The following WDR7 variants were observed in gnomAD, a reference collection of about 807,000 sequenced individuals.
WDR7 encodes WD repeat domain 7.
In WDR7, 46 loss-of-function variants were observed where a neutral mutation model predicts 169.4. That is an observed-to-expected ratio of 0.27 (90% CI 0.21 to 0.35). The LOEUF is 0.35. WDR7 is among the 10% of genes least tolerant of loss of function. The pLI, the probability that WDR7 is intolerant of heterozygous loss-of-function variation, is 1.00. For missense variants in WDR7, 1,534 were observed against 1,859.3 expected (o/e 0.83, Z 3.22); for synonymous variants, 612 against 666.8 (o/e 0.92, Z 1.27).
At chr18:56,722,078 A>C (rs2026334865) in intron 13 of WDR7, among the ~76,000 whole-genome samples, 1 of 152,158 alleles carries the variant, frequency 6.6e-6, no homozygotes, top group Non-Finnish European at 1.5e-5. Context: ...TTTTGAACTT[A>C]AGTACCTAAT....
At chr18:56,996,217 C>T (rs1358058008) in intron 26 of WDR7, among the ~76,000 whole-genome samples, 1 of 152,160 alleles carries the variant, frequency 6.6e-6, no homozygotes, top group African/African-American at 2.4e-5. Flanking sequence ...GTTCATCAAG[C>T]ATCTACTGTC....
Position 56,862,792 on chromosome 18 carries a change from A to G in WDR7, c.3305-17152A>G, listed in dbSNP as rs150920324. On this transcript the variant is annotated intron_variant, in intron 20 of 27. Coordinates refer to ENST00000254442, the MANE Select transcript of WDR7 (RefSeq NM_015285.3). The stretch of plus-strand genomic sequence containing the variant: ...ATAAGACTTGGAATTGGATATTGCT[A>G]TATCTCTTATTGATATTCTGGTAAC... Among the ~76,000 whole-genome samples, 40 of 151,936 alleles carry G rather than the reference A, an allele frequency of 2.6e-4. No individual in the cohort carries two copies. The East Asian group carries it at 7.3e-3, about 28-fold the overall frequency.
chr18:56,790,003 T>A (rs1486519731), intron 19 of WDR7, among the ~76,000 whole-genome samples: 1 of 152,240 alleles, frequency 6.6e-6, no homozygotes, highest in African/African-American at 2.4e-5. Context: ...AATGACCTAA[T>A]ATTAGTTTCT....
At chr18:56,720,436 G>T (rs2026296314) in intron 13 of WDR7, among the ~76,000 whole-genome samples, 1 of 152,100 alleles carries the variant, frequency 6.6e-6, no homozygotes, top group African/African-American at 2.4e-5. Context: ...GAGACAGAGA[G>T]AGACTCTGTC....
intron 27 of WDR7, among the ~76,000 whole-genome samples, chr18:57,025,305 G>T (rs955257140): frequency 1.3e-5 from 2 of 152,174 alleles, no homozygotes; most frequent in African/African-American, 2.4e-5. Context: ...CACTACGCCT[G>T]TTGATGCCAG....
At chr18:56,898,987 C>T (rs1385507271) in intron 21 of WDR7, among the ~76,000 whole-genome samples, 1 of 152,110 alleles carries the variant, frequency 6.6e-6, no homozygotes, top group Middle Eastern at 3.4e-3. Context: ...TCTTAAAAAG[C>T]GGTTCTTCCT....
In WDR7 at chr18:56,651,547, A is replaced by T. The variant is rs1247614287; in HGVS notation, c.-49A>T. 2 of 152,650 alleles carry T rather than the reference A, an allele frequency of 1.3e-5. No homozygotes were observed. Among genetic ancestry groups the T allele is most frequent in the African/African-American group, 4.8e-5 (2 of 41,462 alleles). 9.5% of individuals were successfully genotyped at this position (152,650 alleles called of 1,614,324 possible). The stretch of plus-strand genomic sequence containing the variant: ...GCGCCCACCGGCGGTCTGATAGGCT[A>T]CATCGCGGCATGAGATGAAGCTGTG... On this transcript the variant is annotated 5_prime_UTR_variant, in exon 1 of 28. Transcript: ENST00000254442.
chr18:57,022,422 A>T (rs1193069494), intron 27 of WDR7, among the ~76,000 whole-genome samples: 1 of 152,222 alleles, frequency 6.6e-6, no homozygotes, highest in East Asian at 1.9e-4. Flanking sequence ...CACAGAGATC[A>T]GTAAGTCATG....
At chr18:56,881,061 A>G (rs1355947319) in intron 21 of WDR7, among the ~76,000 whole-genome samples, 1 of 152,226 alleles carries the variant, frequency 6.6e-6, no homozygotes. Context: ...GATGCATGTT[A>G]CTTTGTTATT....
At chr18:56,800,036 T>C (rs1329678437) in intron 19 of WDR7, among the ~76,000 whole-genome samples, 1 of 152,158 alleles carries the variant, frequency 6.6e-6, no homozygotes, top group Non-Finnish European at 1.5e-5. Flanking sequence ...CTTTGCTATG[T>C]TTTTATTTGT....
At chr18:56,911,994 G>A (rs2046559352) in intron 21 of WDR7, among the ~76,000 whole-genome samples, 1 of 152,214 alleles carries the variant, frequency 6.6e-6, no homozygotes, top group Non-Finnish European at 1.5e-5. Context: ...GCCTTTGACT[G>A]AGTGGTAAGT....
chr18:56,887,912 A>T (rs1465260744), intron 21 of WDR7, among the ~76,000 whole-genome samples: 2 of 152,216 alleles, frequency 1.3e-5, no homozygotes, highest in African/African-American at 4.8e-5. Context: ...AAGCTGTTAC[A>T]TGTATTGTCA....
intron 20 of WDR7, among the ~76,000 whole-genome samples, chr18:56,861,862 C>T (rs111710081): frequency 6.2e-4 from 95 of 152,104 alleles, no homozygotes; most frequent in African/African-American, 2.2e-3. Flanking sequence ...TTAATAGCCT[C>T]GAGTGTAATG....
chr18:56,778,647 G>A (rs1426729362), intron 17 of WDR7, among the ~76,000 whole-genome samples: 5 of 152,094 alleles, frequency 3.3e-5, no homozygotes, highest in South Asian at 2.1e-4. Context: ...GGGAATGTCT[G>A]TTATCTAATA....
intron 27 of WDR7, among the ~76,000 whole-genome samples, chr18:57,025,301 G>A (rs144515146): frequency 0.011 from 1,624 of 152,224 alleles, 90 homozygotes; most frequent in Admixed American, 0.096. Flanking sequence ...AACACACTAC[G>A]CCTGTTGATG....
At chr18:56,678,688 G>A (rs1473871443) in intron 2 of WDR7, among the ~76,000 whole-genome samples, 5 of 152,074 alleles carry the variant, frequency 3.3e-5, no homozygotes, top group East Asian at 1.9e-4. Flanking sequence ...GTAGAGATGG[G>A]GTTTTACCAC....
In WDR7 at chr18:56,682,678, G is replaced by C. The variant is rs2025372478; in HGVS notation, c.346-1G>C. 1 of 1,611,970 alleles carries C rather than the reference G, an allele frequency of 6.2e-7. No homozygotes were observed. Among genetic ancestry groups the C allele is most frequent in the African/African-American group, 1.3e-5 (1 of 74,914 alleles). ...CTTTTTTCCTTTTGGCATGAATGTA[G>C]TTCTACCAGTTCTCTGTTGGGAATC... On this transcript the variant is annotated splice_acceptor_variant, in intron 4 of 27. Transcript: ENST00000254442. LOFTEE classifies it high-confidence loss of function.
chr18:56,986,480 T>A (rs2047721793), intron 26 of WDR7, among the ~76,000 whole-genome samples: 1 of 152,180 alleles, frequency 6.6e-6, no homozygotes, highest in African/African-American at 2.4e-5. Flanking sequence ...ATACATAGTT[T>A]TCTAAATGTA....
chr18:56,671,365 T>G (rs549720075), intron 1 of WDR7, among the ~76,000 whole-genome samples: 5 of 150,742 alleles, frequency 3.3e-5, no homozygotes, highest in Non-Finnish European at 7.4e-5. Flanking sequence ...CTTGGCTCAC[T>G]GCAACCTCTG....
Sources: allele counts gnomAD v4.1 joint callset (sites outside exome capture counted in the v4.1 genomes callset), GRCh38; gene constraint gnomAD v4.1.1; transcripts MANE v1.5; gene names NCBI Gene and HGNC (gene_info 2026-07-23, HGNC 2026-07-21).